The following SLC6A18 variants were observed in gnomAD, a reference collection of about 807,000 sequenced individuals.
SLC6A18 encodes inactive sodium-dependent neutral amino acid transporter B(0)AT3.
SLC6A18 carries 58 observed loss-of-function variants against 62.9 expected under a neutral mutation model. That is an observed-to-expected ratio of 0.92 (90% confidence interval 0.75 to 1.15). The LOEUF is 1.15. SLC6A18 is among the 50% of genes most tolerant of loss of function. The pLI, the probability that SLC6A18 is intolerant of heterozygous loss-of-function variation, is 0.00. For missense variants in SLC6A18, 793 were observed against 836.6 expected (o/e 0.95, Z 0.64); for synonymous variants, 382 against 365.8 (o/e 1.04, Z -0.51).
intron 3 of SLC6A18, among the ~76,000 whole-genome samples, chr5:1,233,979 G>C (rs1033552355): frequency 6.6e-6 from 1 of 152,124 alleles, no homozygotes; most frequent in African/African-American, 2.4e-5. Flanking sequence ...CTGACCTCGT[G>C]ATCCGCCTGC....
At chr5:1,240,393 C>T in intron 6 of SLC6A18, 138 bp from the exon 7 acceptor site, 1 of 1,289,198 alleles carries the variant, frequency 7.8e-7, no homozygotes, top group South Asian at 1.5e-5. Flanking sequence ...GGACTGGCAG[C>T]AGCAGCCCTT....
chr5:1,231,214 CG>C (rs1746722701), intron 1 of SLC6A18, among the ~76,000 whole-genome samples: 1 of 152,220 alleles, frequency 6.6e-6, no homozygotes, highest in Non-Finnish European at 1.5e-5. Context: ...CCTTCCACTG[CG>C]GGTGCCCCAG....
At chr5:1,238,521 AGCCAGGG>A (rs2126536867) in intron 5 of SLC6A18, among the ~76,000 whole-genome samples, 1 of 34,234 alleles carries the variant, frequency 2.9e-5, no homozygotes, top group East Asian at 3.6e-4. Context: ...GTTTGGAGTG[AGCCAGGG>A]GCCTCAGGAA....
In SLC6A18 at chr5:1,245,923, C is replaced by A. The variant is rs1276640179; in HGVS notation, c.1732C>A (p.Pro578Thr). 6.2e-7 allele frequency: 1 copy of A among 1,606,080 alleles called. No homozygotes were observed. The highest frequency in any genetic ancestry group is 2.2e-5 in the East Asian group (1 of 44,842). ...RAACVLLSLL[P>T]VLWVPVAALA... ...CGCCTGTGTGCTGCTGTCCTTGCTG[C>A]CCGTGCTGTGGGTCCCGGTGGCCGC... The change falls in exon 12 of 12, where the codon CCC becomes ACC. Residue 578 changes from proline (P) to threonine (T), a missense_variant. Pro to Thr is a conservative substitution (Grantham distance 38). Transcript: ENST00000324642.
In SLC6A18 at chr5:1,230,017, GGAA is replaced by G. The variant is rs1418188179; in HGVS notation, c.161-2196_161-2194del. On this transcript the variant is annotated intron_variant, in intron 1 of 11. Coordinates refer to ENST00000324642, the MANE Select transcript of SLC6A18 (RefSeq NM_182632.3). ...TATCATGGTGCAGGCTGGAGGTGGG[GGAA>G]GAAGAGCTCTCAGGTGCAGGCTGGA... 2.7e-5 allele frequency among the ~76,000 whole-genome samples: 4 copies of G among 147,818 alleles called. No homozygotes were observed. The East Asian group carries it at 5.9e-4, about 22-fold the overall frequency.
chr5:1,229,808 T>G (rs1327341331), intron 1 of SLC6A18, among the ~76,000 whole-genome samples: 21 of 137,298 alleles, frequency 1.5e-4, no homozygotes, highest in Non-Finnish European at 3.0e-4. Flanking sequence ...GTTTTCACAG[T>G]GCAGGCTGAA....
chr5:1,236,182 G>A (rs549858453), intron 4 of SLC6A18, among the ~76,000 whole-genome samples: 29 of 151,726 alleles, frequency 1.9e-4, no homozygotes, highest in Non-Finnish European at 3.2e-4. Flanking sequence ...TCAGGATCCC[G>A]CTCTATCTCC....
chr5:1,230,361 C>T (rs1237849449), intron 1 of SLC6A18, among the ~76,000 whole-genome samples: 2 of 152,148 alleles, frequency 1.3e-5, no homozygotes, highest in Non-Finnish European at 2.9e-5. Context: ...TTCCCTTTTG[C>T]TCCAGGCCCT....
chr5:1,244,711 T>G lies in SLC6A18; in HGVS notation c.1600T>G (p.Tyr534Asp). 3 of 1,613,156 alleles carry G rather than the reference T, an allele frequency of 1.9e-6. No homozygotes were observed. Among genetic ancestry groups the G allele is most frequent in the South Asian group, 1.1e-5 (1 of 91,050 alleles). Reference sequence around the variant, plus strand: ...CCTGCTGCTGACCATCTTTGTGGCTTACATCATCCTCCTGTTCTGGAAGCC... The same window carrying G: ...CCTGCTGCTGACCATCTTTGTGGCTGACATCATCCTCCTGTTCTGGAAGCC... Reference protein sequence around the residue: ...SPLLLTIFVAYIILLFWKPLR... With the variant: ...SPLLLTIFVADIILLFWKPLR... Residue 534 changes from tyrosine (Y) to aspartate (D), a missense_variant, in exon 11 of 12, where the codon TAC (tyrosine) becomes GAC (aspartate). Transcript: ENST00000324642.
intron 3 of SLC6A18, 77 bp from the exon 4 acceptor site, chr5:1,235,404 G>A: frequency 6.8e-7 from 1 of 1,468,190 alleles, no homozygotes; most frequent in Non-Finnish European, 9.3e-7. Context: ...AGCAGCCCAG[G>A]GAAATTGAGC....
chr5:1,242,568 G>C, intron 7 of SLC6A18, 139 bp from the exon 8 acceptor site: 1 of 1,172,920 alleles, frequency 8.5e-7, no homozygotes, highest in Non-Finnish European at 1.2e-6. Context: ...AGGGGCAGGA[G>C]GGGCCCACAC....
In SLC6A18 at chr5:1,242,795, G is replaced by T; in HGVS notation, c.1063G>T (p.Ala355Ser). 6.2e-7 allele frequency: 1 copy of T among 1,613,988 alleles called. No individual in the cohort carries two copies. Among genetic ancestry groups the T allele is most frequent in the Non-Finnish European group, 8.5e-7 (1 of 1,179,924 alleles). ...DYPAVLMHLN[A>S]TWPKRVAQLP... ...CCCAGCCGTCCTCATGCACCTGAAC[G>T]CCACCTGGCCCAAGAGGGTGGCCCA... is the stretch of plus-strand genomic sequence containing the variant. Residue 355 changes from alanine (A) to serine (S), a missense_variant, in exon 8 of 12, where the codon GCC becomes TCC. Physicochemically the swap from Ala to Ser is moderately conservative, Grantham distance 99. Transcript: ENST00000324642.
rs771311075 is a variant in SLC6A18 at position 1,235,568 on chromosome 5, G to A, written c.527G>A (p.Ser176Asn). 22 of 1,614,084 alleles carry A rather than the reference G, an allele frequency of 1.4e-5. No homozygotes were observed. In the Admixed American group the frequency reaches 2.5e-4, roughly 18 times the overall value. ...TLNITADIND[S>N]GSIQWWLLIC... ...AACATCACAGCCGACATCAATGACAGTGGCTCCATCCAGTGGTGGCTGCTC... is the reference window on the plus strand; with the variant it reads ...AACATCACAGCCGACATCAATGACAATGGCTCCATCCAGTGGTGGCTGCTC... The change falls in exon 4 of 12, where the codon AGT becomes AAT. Residue 176 changes from serine to asparagine, a missense_variant. Ser to Asn is a conservative substitution (Grantham distance 46). Coordinates refer to ENST00000324642, the MANE Select transcript of SLC6A18 (RefSeq NM_182632.3).
At chr5:1,232,663 G>A in intron 2 of SLC6A18, 88 bp from the exon 3 acceptor site, 2 of 1,514,480 alleles carry the variant, frequency 1.3e-6, no homozygotes, top group Non-Finnish European at 1.8e-6. Flanking sequence ...GTTATTTTAT[G>A]TTGTTATTTT....
chr5:1,243,243 G>C lies in SLC6A18; in HGVS notation c.1132-312G>C, dbSNP rs1234194477. ...CCTGGACCTAGGGGCACCAGGCAGG[G>C]GGGCACAGCCAGGAGGCAGGTGTGG... On this transcript the variant is annotated intron_variant, in intron 8 of 11. Transcript: ENST00000324642. This position sits in a 1 kb window ranked among gnomAD's most constrained non-coding sequence, Gnocchi z 6.5. 6.6e-6 allele frequency among the ~76,000 whole-genome samples: 1 copy of C among 152,186 alleles called. No individual in the cohort carries two copies. Among genetic ancestry groups the C allele is most frequent in the Non-Finnish European group, 1.5e-5 (1 of 68,018 alleles).
intron 4 of SLC6A18, 87 bp from the exon 5 acceptor site, chr5:1,237,863 C>T (rs905387352): frequency 4.8e-5 from 48 of 996,742 alleles, no homozygotes; most frequent in Admixed American, 3.6e-4. Context: ...ACCACAAGGG[C>T]GGTGTCTGGA....
At chr5:1,232,478 C>A (rs532004595) in intron 2 of SLC6A18, 119 bp downstream of exon 2, 10 of 1,364,604 alleles carry the variant, frequency 7.3e-6, no homozygotes, top group South Asian at 1.4e-5. Context: ...GCCAGGCCGG[C>A]GGGTGGGGTG....
At position 1,243,463 on chromosome 5, in the gene SLC6A18, G is replaced by A. The variant is rs1030606866; in HGVS notation, c.1132-92G>A. On this transcript the variant is annotated intron_variant, in intron 8 of 11. Transcript: ENST00000324642. This position sits in a 1 kb window ranked among gnomAD's most constrained non-coding sequence, Gnocchi z 6.5. ...GGGGTGATGTGCACTCGTGTCCTCG[G>A]CCTGGGAGAGTGTGTGTCCTGCAGG... The A allele has an allele frequency of 6.2e-6, 9 of 1,442,212 alleles. No individual in the cohort carries two copies. In the African/African-American group the frequency reaches 9.7e-5, roughly 16 times the overall value. 89.3% of individuals were successfully genotyped at this position (1,442,212 alleles called of 1,614,324 possible).
Position 1,241,986 on chromosome 5 carries a change from T to C in SLC6A18, c.975-721T>C, listed in dbSNP as rs1747072826. Among the ~76,000 whole-genome samples, 1 of 151,676 alleles carries C rather than the reference T, an allele frequency of 6.6e-6. No homozygotes were observed. The highest frequency in any genetic ancestry group is 1.5e-5 in the Non-Finnish European group (1 of 67,950). On this transcript the variant is annotated intron_variant, in intron 7 of 11. Coordinates refer to ENST00000324642, the MANE Select transcript of SLC6A18 (RefSeq NM_182632.3). The surrounding 1 kb of genome is among the most constrained non-coding windows in gnomAD (Gnocchi z 7.8). ...AATAGCTGGAGCCCCAAAAAGGTGT[T>C]TGCTGGTATCCATGTGTCCCGCCCT...
Sources: gnomAD v4.1 joint callset for allele counts (sites outside exome capture counted in the v4.1 genomes callset) on GRCh38, gnomAD v4.1.1 for gene constraint, Gnocchi (gnomAD v3.1) non-coding constraint, MANE v1.5 for transcripts, NCBI Gene and HGNC (gene_info 2026-07-23, HGNC 2026-07-21) for gene names.